ARAP1: variants seen among roughly 807,000 people sequenced by gnomAD.
ARAP1 encodes the protein arf-GAP with Rho-GAP domain, ANK repeat and PH domain-containing protein 1.
A neutral mutation model predicts 172.2 loss-of-function variants in ARAP1; 76 were observed. The observed-to-expected ratio is 0.44, with a 90% CI of 0.37 to 0.53. The LOEUF is 0.53. Ranked by LOEUF, ARAP1 falls within the 20% of genes least tolerant of loss-of-function variation. The pLI, the probability that ARAP1 is intolerant of heterozygous loss-of-function variation, is 0.00. For synonymous variants in ARAP1, 804 were observed against 803.3 expected, an observed-to-expected ratio of 1.00 and a Z score of -0.01; for missense variants, 1,686 against 1,977.5, an observed-to-expected ratio of 0.85 and a Z score of 2.80.
chr11:72,705,634 G>T, intron 13 of ARAP1, 171 bp downstream of exon 13: 1 of 587,576 alleles, frequency 1.7e-6, no homozygotes, highest in East Asian at 3.0e-5. Context: ...CCAGTTTGCT[G>T]ACTTTGCCAA....
At position 72,716,567 on chromosome 11, in the gene ARAP1, G is replaced by A. The variant is rs926502310; in HGVS notation, c.510-2246C>T. ...TAGAGAAACCGGAGCTTTGAGCTTCGCTCAGTGTGGTGACTTGCAAACTGG... is the reference window on the plus strand; with the variant it reads ...TAGAGAAACCGGAGCTTTGAGCTTCACTCAGTGTGGTGACTTGCAAACTGG... On this transcript the variant is annotated intron_variant, in intron 3 of 34. Transcript: ENST00000393609. Among the ~76,000 whole-genome samples, 24 of 152,390 alleles carry A rather than the reference G, an allele frequency of 1.6e-4. 1 individual carries two copies. The highest frequency in any genetic ancestry group is 2.1e-4 in the South Asian group (1 of 4,830).
chr11:72,719,982 C>T (rs551660095), intron 3 of ARAP1, among the ~76,000 whole-genome samples: 1 of 152,294 alleles, frequency 6.6e-6, no homozygotes, highest in African/African-American at 2.4e-5. Flanking sequence ...CTGGGGCCTC[C>T]CTGGGGCTCC....
In ARAP1 at chr11:72,698,182, C is replaced by A. The variant is rs562693928; in HGVS notation, c.2542-76G>T. The A allele has an allele frequency of 4.5e-5, 65 of 1,449,916 alleles. No individual in the cohort carries two copies. The South Asian group carries it at 8.4e-4, about 19-fold the overall frequency. 89.8% of individuals were successfully genotyped at this position (1,449,916 alleles called of 1,614,324 possible). On this transcript the variant is annotated intron_variant, in intron 18 of 34. Transcript: ENST00000393609. ...CCCAATGCCCCAGCTCCTTGGCTTA[C>A]AGGCACATGCCCTCTTCCCACCCAG...
intron 12 of ARAP1, 62 bp from the exon 13 acceptor site, chr11:72,705,952 AC>A: frequency 6.5e-7 from 1 of 1,549,304 alleles, no homozygotes; most frequent in Non-Finnish European, 8.9e-7. Flanking sequence ...GCACTTACCC[AC>A]CCCCAGTGTC....
intron 4 of ARAP1, 96 bp from the exon 5 acceptor site, chr11:72,713,339 G>A: frequency 8.6e-7 from 1 of 1,168,384 alleles, no homozygotes; most frequent in Admixed American, 2.0e-5. Flanking sequence ...CCCATGCCAA[G>A]ACCCCCATCC....
At chr11:72,716,453 G>A (rs1321961033) in intron 3 of ARAP1, among the ~76,000 whole-genome samples, 3 of 152,252 alleles carry the variant, frequency 2.0e-5, no homozygotes, top group South Asian at 2.1e-4. Context: ...TGTCAGCCCT[G>A]TTACCAGGCA....
Position 72,697,940 on chromosome 11 carries a change from G to A in ARAP1, c.2708C>T (p.Pro903Leu), listed in dbSNP as rs751026745. ...CTCCTGCAGTTTCCGTAGTTGCAGC[G>A]GCTCTTCGCAGGGCCCCTCCGGGAA... ...AVFPEGPCEE[P>L]LQLRKLQELS... Residue 903 changes from proline (P) to leucine (L), a missense_variant, in exon 19 of 35, where the codon CCG (proline) becomes CTG (leucine). By Grantham distance (98) the Pro-to-Leu change is moderately conservative. This residue lies in a region of ARAP1 where 274 missense variants were observed against 262.7 expected (regional missense o/e 1.04). Transcript: ENST00000393609. 1.3e-5 allele frequency: 21 copies of A among 1,608,210 alleles called. No homozygotes were observed. Among genetic ancestry groups the A allele is most frequent in the East Asian group, 1.1e-4 (5 of 44,752 alleles).
intron 2 of ARAP1, among the ~76,000 whole-genome samples, chr11:72,728,576 G>A (rs1043841858): frequency 3.3e-5 from 5 of 151,996 alleles, no homozygotes; most frequent in African/African-American, 9.7e-5. Flanking sequence ...GTGAGGCTCC[G>A]TCTCAAAACA....
At position 72,704,245 on chromosome 11, in the gene ARAP1, G is replaced by A; in HGVS notation, c.1899C>T (p.Pro633=). 3 of 1,613,632 alleles carry A rather than the reference G, an allele frequency of 1.9e-6. No homozygotes were observed. Among genetic ancestry groups the A allele is most frequent in the Non-Finnish European group, 1.7e-6 (2 of 1,179,844 alleles). Residue 633 remains proline (P), a synonymous_variant, in exon 14 of 35, where the codon CCC becomes CCT. Transcript: ENST00000393609. ...PSEALQPSSS[P]STRRCHLEAK... ...CCTCCAGGTGGCACCGCCGGGTGCT[G>A]GGGCTGCTGCTGGGCTGCAGGGCCT...
chr11:72,701,931 C>G, intron 15 of ARAP1, 148 bp from the exon 16 acceptor site: 1 of 1,037,224 alleles, frequency 9.6e-7, no homozygotes, highest in Non-Finnish European at 1.4e-6. Flanking sequence ...CCCCTCCTAC[C>G]TGCAGGGTCT....
chr11:72,699,341 G>C lies in ARAP1; in HGVS notation c.2438+76C>G, dbSNP rs1447648524. 8.8e-6 allele frequency: 14 copies of C among 1,593,554 alleles called. No individual in the cohort carries two copies. The highest frequency in any genetic ancestry group is 1.2e-5 in the Non-Finnish European group (14 of 1,167,388). ...TCTGCGGAGGTCCTCCCCTTCTCTG[G>C]GTCTATTTCCCTGTCTCCCCAGTGG... On this transcript the variant is annotated intron_variant, in intron 17 of 34. Coordinates refer to ENST00000393609, the MANE Select transcript of ARAP1 (RefSeq NM_001040118.3). The surrounding 1 kb of genome is among the most constrained non-coding windows in gnomAD (Gnocchi z 4.2).
intron 15 of ARAP1, 96 bp downstream of exon 15, chr11:72,702,809 T>C: frequency 6.9e-7 from 1 of 1,452,554 alleles, no homozygotes; most frequent in Non-Finnish European, 9.2e-7. Flanking sequence ...TCACAGGCCC[T>C]TGAGGAGCTG....
Position 72,696,605 on chromosome 11 carries a change from C to T in ARAP1, c.3216G>A (p.Val1072=). 1 of 1,606,732 alleles carries T rather than the reference C, an allele frequency of 6.2e-7. No individual in the cohort carries two copies. The highest frequency in any genetic ancestry group is 2.2e-5 in the East Asian group (1 of 44,586). The change falls in exon 23 of 35, where the codon GTG becomes GTA. Residue 1072 remains valine, a synonymous_variant. Coordinates refer to ENST00000393609, the MANE Select transcript of ARAP1 (RefSeq NM_001040118.3). Reference sequence around the variant, plus strand: ...TGGCCCGGTTGACAGGGGGCAGCCGCACCAGCAGCTCTCGGTACCTGGAGA... The same window carrying T: ...TGGCCCGGTTGACAGGGGGCAGCCGTACCAGCAGCTCTCGGTACCTGGAGA... ...EKVSRYRELL[V]RLPPVNRATV...
chr11:72,693,500 C>G lies in ARAP1; in HGVS notation c.3809-30G>C, dbSNP rs751214030. On this transcript the variant is annotated intron_variant, in intron 28 of 34. Transcript: ENST00000393609. The surrounding 1 kb of genome is among the most constrained non-coding windows in gnomAD (Gnocchi z 4.6). Reference sequence around the variant, plus strand: ...GGGGTGGGACTGGAGTGGGCACAGGCTGCACCAACCCCTACCCGGGGCTGG... The same window carrying G: ...GGGGTGGGACTGGAGTGGGCACAGGGTGCACCAACCCCTACCCGGGGCTGG... 1 of 1,600,360 alleles carries G rather than the reference C, an allele frequency of 6.2e-7. No homozygotes were observed. Among genetic ancestry groups the G allele is most frequent in the South Asian group, 1.1e-5 (1 of 89,990 alleles).
At chr11:72,692,673 C>T in intron 30 of ARAP1, 80 bp downstream of exon 30, 1 of 1,571,654 alleles carries the variant, frequency 6.4e-7, no homozygotes, top group Non-Finnish European at 8.7e-7. Flanking sequence ...GGAGCCCTGG[C>T]TGTCTCCCCA....
Position 72,712,336 on chromosome 11 carries a change from G to T in ARAP1, c.882C>A (p.Gly294=). The change falls in exon 7 of 35, where the codon GGC becomes GGA. Residue 294 remains glycine (G), a synonymous_variant. Transcript: ENST00000393609. ...DDHAYEGVPN[G]GWHTSSLSLS... ...AGCTCAGGCTGCTGGTATGCCATCC[G>T]CCACTAGCGAGAGATGAGGGGATGG... 2 of 1,548,880 alleles carry T rather than the reference G, an allele frequency of 1.3e-6. No individual in the cohort carries two copies. The highest frequency in any genetic ancestry group is 2.4e-5 in the South Asian group (2 of 81,916).
At position 72,710,282 on chromosome 11, in the gene ARAP1, G is replaced by T; in HGVS notation, c.1416+103C>A. 7.1e-7 allele frequency: 1 copy of T among 1,406,098 alleles called. No individual in the cohort carries two copies. The highest frequency in any genetic ancestry group is 9.9e-7 in the Non-Finnish European group (1 of 1,007,532). The allele number at this position is 1,406,098 out of a possible 1,614,324, so 87.1% of individuals were successfully genotyped here. A position where few individuals can be genotyped will look rare whatever the true frequency, so the allele number is the denominator to read the frequency against. On this transcript the variant is annotated intron_variant, in intron 10 of 34. Transcript: ENST00000393609. The surrounding 1 kb of genome is among the most constrained non-coding windows in gnomAD (Gnocchi z 4.3). The stretch of plus-strand genomic sequence containing the variant: ...ATCCAGGCAAAGGGCTGGGCCCAGT[G>T]CAGGAAAAGAGGGAACAGAAAAGGC...
At chr11:72,692,726 G>T (rs1226690630) in intron 30 of ARAP1, 27 bp downstream of exon 30, 1 of 1,613,676 alleles carries the variant, frequency 6.2e-7, no homozygotes, top group African/African-American at 1.3e-5. Flanking sequence ...GTGTAAGGCA[G>T]CTGGCAGTCA....
chr11:72,727,690 C>A (rs938542429), intron 2 of ARAP1, among the ~76,000 whole-genome samples: 1 of 152,236 alleles, frequency 6.6e-6, no homozygotes, highest in Admixed American at 6.5e-5. Flanking sequence ...CCTCCCCCTA[C>A]CTCCATGCCC....
Sources: gnomAD v4.1 joint callset for allele counts (sites outside exome capture counted in the v4.1 genomes callset) on GRCh38, gnomAD v4.1.1 for gene constraint, gnomAD v4.1.1 regional missense constraint, Gnocchi (gnomAD v3.1) non-coding constraint, MANE v1.5 for transcripts, NCBI Gene and HGNC (gene_info 2026-07-23, HGNC 2026-07-21) for gene names.